PRRC2B: variants seen among roughly 807,000 people sequenced by gnomAD.
PRRC2B encodes the protein protein PRRC2B.
Under a neutral mutation model 242.3 loss-of-function variants are expected in PRRC2B, and 68 were observed. The observed-to-expected ratio is 0.28, with a 90% CI of 0.23 to 0.34. The LOEUF (loss-of-function observed/expected upper bound fraction) is 0.34. Among genes scored for constraint, PRRC2B ranks in the 10% least tolerant of loss-of-function variants. The pLI is 1.00. For missense variants in PRRC2B, 2,835 were observed against 2,954.8 expected (o/e 0.96, Z 0.94); for synonymous variants, 1,228 against 1,173.6 (o/e 1.05, Z -0.95).
In PRRC2B at chr9:131,446,780, A is replaced by AT; in HGVS notation, c.855+142dup. On this transcript the variant is annotated intron_variant, in intron 7 of 31. Transcript: ENST00000683519. The surrounding 1 kb of genome is among the most constrained non-coding windows in gnomAD (Gnocchi z 4.1). ...CTTCTGAGGCTTCCACTCGTTTTGC[A>AT]TTTTCTCTCCCTGCTTTTTAAATCT... The AT allele has an allele frequency of 9.8e-7, 1 of 1,025,208 alleles. No homozygotes were observed. The highest frequency in any genetic ancestry group is 1.4e-6 in the Non-Finnish European group (1 of 712,886). The allele number at this position is 1,025,208 out of a possible 1,614,324, so 63.5% of individuals were successfully genotyped here.
chr9:131,374,765 G>A (rs932918522), intron 1 of PRRC2B, among the ~76,000 whole-genome samples: 1 of 152,128 alleles, frequency 6.6e-6, no homozygotes, highest in Non-Finnish European at 1.5e-5. Flanking sequence ...GACCTCAGGT[G>A]ATCTGCCCAT....
chr9:131,404,725 A>C (rs1482698789), intron 1 of PRRC2B, among the ~76,000 whole-genome samples: 5 of 152,218 alleles, frequency 3.3e-5, no homozygotes, highest in Admixed American at 3.3e-4. Flanking sequence ...GTGCTCCCTG[A>C]CAGCTACGCA....
chr9:131,380,582 A>C (rs1836743475), intron 1 of PRRC2B, among the ~76,000 whole-genome samples: 2 of 151,356 alleles, frequency 1.3e-5, no homozygotes, highest in African/African-American at 4.9e-5. Context: ...TCCGCCTCAA[A>C]AAAGAAAAAA....
intron 1 of PRRC2B, among the ~76,000 whole-genome samples, chr9:131,415,142 C>T (rs1164753871): frequency 2.0e-5 from 3 of 151,888 alleles, no homozygotes; most frequent in Non-Finnish European, 2.9e-5. Flanking sequence ...TACAGGTGTG[C>T]GCCATCACGC....
intron 19 of PRRC2B, among the ~76,000 whole-genome samples, chr9:131,480,023 G>T (rs1439741370): frequency 6.6e-6 from 1 of 151,984 alleles, no homozygotes; most frequent in Non-Finnish European, 1.5e-5. Context: ...TTTAGGTGAG[G>T]CAGGGCCCTG....
At chr9:131,417,873 C>T (rs1476117358) in intron 1 of PRRC2B, among the ~76,000 whole-genome samples, 1 of 152,230 alleles carries the variant, frequency 6.6e-6, no homozygotes, top group Admixed American at 6.5e-5. Context: ...ACTCGACTGC[C>T]TTTTCCCCAT....
chr9:131,375,407 T>TA (rs960804190), intron 1 of PRRC2B, among the ~76,000 whole-genome samples: 1 of 150,930 alleles, frequency 6.6e-6, no homozygotes, highest in Non-Finnish European at 1.5e-5. Flanking sequence ...TCAAAAAAAA[T>TA]AAAAAAAATA....
rs1838888952 is a variant in PRRC2B, at chr9:131,448,546, A to AG, written c.1120+742_1120+743insG. ...GCGACAGAGGGAGACACTGTCTCAA[A>AG]AAAAAAAAAAAAAAAAAAAAAAAAG... On this transcript the variant is annotated intron_variant, in intron 9 of 31. Coordinates refer to ENST00000683519, the MANE Select transcript of PRRC2B (RefSeq NM_013318.4). Among the ~76,000 whole-genome samples, 3 of 101,996 alleles carry AG rather than the reference A, an allele frequency of 2.9e-5. 1 individual carries two copies. Among genetic ancestry groups the AG allele is most frequent in the Non-Finnish European group, 6.1e-5 (3 of 49,444 alleles). The allele number at this position is 101,996 out of a possible 152,430, so 66.9% of individuals were successfully genotyped here.
rs773015809 is a variant in PRRC2B at position 131,432,790 on chromosome 9, A to G, written c.289A>G (p.Lys97Glu). 2 of 1,613,928 alleles carry G rather than the reference A, an allele frequency of 1.2e-6. No homozygotes were observed. The highest frequency in any genetic ancestry group is 1.1e-5 in the South Asian group (1 of 91,082). ...WANKQDQQDP[K>E]SSSATASQPP... ...AAACAAGCAGGATCAGCAAGACCCA[A>G]AGAGGTAAACGGAGGAGGCGGGTGG... is the stretch of plus-strand genomic sequence containing the variant. Residue 97 changes from lysine (K) to glutamate (E), a missense_variant, in exon 3 of 32, where the codon AAG becomes GAG. This residue lies in a region of PRRC2B where 626 missense variants were observed against 685.5 expected (regional missense o/e 0.91). Coordinates refer to ENST00000683519, the MANE Select transcript of PRRC2B (RefSeq NM_013318.4).
intron 28 of PRRC2B, 79 bp from the exon 29 acceptor site, chr9:131,491,346 A>T (rs977319228): frequency 2.9e-6 from 4 of 1,358,230 alleles, no homozygotes; most frequent in Non-Finnish European, 4.0e-6. Flanking sequence ...TCTGAAGTGC[A>T]TGTGCGGTCG....
rs534890852 is a variant in PRRC2B, at chr9:131,378,565, G to A, written c.-56+4834G>A. ...GGCTGTGAGCAGCAGCTTTTCCCAA[G>A]CGCTCAGCCTCCATCCCAGCCCTGG... On this transcript the variant is annotated intron_variant, in intron 1 of 1. Transcript: ENST00000682525. 2.0e-5 allele frequency among the ~76,000 whole-genome samples: 3 copies of A among 152,238 alleles called. No individual in the cohort carries two copies. The South Asian group carries it at 6.2e-4, about 32-fold the overall frequency.
chr9:131,471,897 G>GT (rs1331353637), intron 14 of PRRC2B, among the ~76,000 whole-genome samples: 1 of 152,196 alleles, frequency 6.6e-6, no homozygotes, highest in African/African-American at 2.4e-5. Context: ...ATCATTGCAA[G>GT]TTTTTATCCC....
chr9:131,450,534 G>A (rs1011438485), intron 9 of PRRC2B, among the ~76,000 whole-genome samples: 1 of 150,534 alleles, frequency 6.6e-6, no homozygotes, highest in Non-Finnish European at 1.5e-5. Context: ...CAAAGTGCTG[G>A]GATTACAGGC....
intron 1 of PRRC2B, among the ~76,000 whole-genome samples, chr9:131,387,022 A>G (rs1429247587): frequency 6.7e-6 from 1 of 148,608 alleles, no homozygotes; most frequent in Non-Finnish European, 1.5e-5. Flanking sequence ...TTCTTTTTTG[A>G]GACAGTCTCG....
At chr9:131,377,752 G>A in intron 1 of PRRC2B, among the ~76,000 whole-genome samples, 1 of 152,122 alleles carries the variant, frequency 6.6e-6, no homozygotes, top group East Asian at 1.9e-4. Flanking sequence ...TCTCTGTTTT[G>A]TTTATTTGTT....
chr9:131,457,082 T>TCC (rs1943104024), intron 10 of PRRC2B, among the ~76,000 whole-genome samples: 1 of 152,252 alleles, frequency 6.6e-6, no homozygotes, highest in Non-Finnish European at 1.5e-5. Context: ...ATCCTTTACT[T>TCC]AAAAGCTTCC....
At position 131,464,773 on chromosome 9, in the gene PRRC2B, T is replaced by C; in HGVS notation, c.1415T>C (p.Met472Thr). 1 of 1,592,184 alleles carries C rather than the reference T, an allele frequency of 6.3e-7. No homozygotes were observed. Among genetic ancestry groups the C allele is most frequent in the African/African-American group, 1.3e-5 (1 of 74,462 alleles). The change falls in exon 12 of 32, where the codon ATG becomes ACG. Residue 472 changes from methionine (M) to threonine (T), a missense_variant. Met to Thr is a moderately conservative substitution (Grantham distance 81). Transcript: ENST00000683519. ...APGPDYQKSS[M>T]GSMFRQQSIE... is the part of the protein sequence containing the mutation. ...ACATTCTCTTGGCAGAAGTCATCAATGGGCAGCATGTTCCGGCAACAGTCC... is the reference window on the plus strand; with the variant it reads ...ACATTCTCTTGGCAGAAGTCATCAACGGGCAGCATGTTCCGGCAACAGTCC...
chr9:131,393,206 C>T (rs1836934770), upstream of PRRC2B, among the ~76,000 whole-genome samples: 2 of 152,198 alleles, frequency 1.3e-5, no homozygotes, highest in Non-Finnish European at 2.9e-5. Context: ...TTAAGTGAGA[C>T]AAACCACGTG....
At chr9:131,444,940 C>T (rs1049771910) in intron 6 of PRRC2B, among the ~76,000 whole-genome samples, 4 of 152,154 alleles carry the variant, frequency 2.6e-5, no homozygotes, top group African/African-American at 7.2e-5. Context: ...TGATTTTCCA[C>T]GTGTTCTACT....
Sources: gnomAD v4.1 joint callset for allele counts (sites outside exome capture counted in the v4.1 genomes callset) on GRCh38, gnomAD v4.1.1 for gene constraint, gnomAD v4.1.1 regional missense constraint, Gnocchi (gnomAD v3.1) non-coding constraint, MANE v1.5 for transcripts, NCBI Gene and HGNC (gene_info 2026-07-23, HGNC 2026-07-21) for gene names.